Variants in PPP2R5E observed in about 807,000 individuals in gnomAD.
PPP2R5E encodes the protein serine/threonine-protein phosphatase 2A 56 kDa regulatory subunit epsilon isoform.
Under a neutral mutation model 65.3 loss-of-function variants are expected in PPP2R5E, and 4 were observed. The ratio of observed to expected loss-of-function variants is 0.06; its 90% CI spans 0.03 to 0.14. The LOEUF (loss-of-function observed/expected upper bound fraction) is 0.14, where lower values mean the gene tolerates loss of function less well. Ranked by LOEUF, PPP2R5E falls within the 10% of genes least tolerant of loss-of-function variation. The pLI is 1.00. For synonymous variants in PPP2R5E, 183 were observed against 187.4 expected (o/e 0.98, Z 0.19); for missense variants, 274 against 556.1 (o/e 0.49, Z 5.10).
intron 5 of PPP2R5E, among the ~76,000 whole-genome samples, chr14:63,403,105 A>C (rs1238888817): frequency 6.6e-6 from 1 of 152,194 alleles, no homozygotes; most frequent in African/African-American, 2.4e-5. Flanking sequence ...GAAAGTTCCA[A>C]ATTTACACTT....
At chr14:63,478,712 C>G (rs1890537297) in intron 2 of PPP2R5E, among the ~76,000 whole-genome samples, 1 of 152,146 alleles carries the variant, frequency 6.6e-6, no homozygotes. Flanking sequence ...CTGAGAACCA[C>G]TAATCTAGGA....
chr14:63,420,842 A>G lies in PPP2R5E; in HGVS notation c.456+1151T>C, dbSNP rs995453579. On this transcript the variant is annotated intron_variant, in intron 4 of 13. Transcript: ENST00000337537. Reference sequence around the variant, plus strand: ...CCGAGGCGGGCGGATCACGAGGTCAAGAGATCGAGACCATCCCGGCTAAAA... The same window carrying G: ...CCGAGGCGGGCGGATCACGAGGTCAGGAGATCGAGACCATCCCGGCTAAAA... Among the ~76,000 whole-genome samples, 7 of 101,252 alleles carry G rather than the reference A, an allele frequency of 6.9e-5. 2 individuals are homozygous for G. Among genetic ancestry groups the G allele is most frequent in the Admixed American group, 3.6e-4 (4 of 11,148 alleles). 66.4% of individuals were successfully genotyped at this position (101,252 alleles called of 152,430 possible).
At chr14:63,542,395 T>C (rs1893937109) in intron 1 of PPP2R5E, among the ~76,000 whole-genome samples, 1 of 151,852 alleles carries the variant, frequency 6.6e-6, no homozygotes, top group Non-Finnish European at 1.5e-5. Context: ...GGGGTTTGTC[T>C]GTGGGGATGC....
intron 3 of PPP2R5E, among the ~76,000 whole-genome samples, chr14:63,428,055 C>T (rs1255807409): frequency 6.6e-6 from 1 of 152,160 alleles, no homozygotes; most frequent in South Asian, 2.1e-4. Context: ...TTCTCATCAG[C>T]TCCTTCCGAG....
At chr14:63,508,161 C>T (rs977072728) in intron 2 of PPP2R5E, 31 of 985,458 alleles carry the variant, frequency 3.1e-5, no homozygotes, top group Admixed American at 2.5e-4. Context: ...GCTCTCAGGC[C>T]TTCATTACCA....
chr14:63,489,028 G>A (rs1594933219), intron 2 of PPP2R5E, among the ~76,000 whole-genome samples: 3 of 152,138 alleles, frequency 2.0e-5, no homozygotes, highest in East Asian at 1.9e-4. Flanking sequence ...ACCCAGAGGC[G>A]TTAACTGACT....
At chr14:63,380,624 T>C (rs184496460) in intron 13 of PPP2R5E, among the ~76,000 whole-genome samples, 8 of 151,790 alleles carry the variant, frequency 5.3e-5, no homozygotes, top group Admixed American at 1.3e-4. Flanking sequence ...ATCGCGCCAC[T>C]GCACTCCAGC....
intron 2 of PPP2R5E, among the ~76,000 whole-genome samples, chr14:63,485,703 C>T (rs1018311934): frequency 3.3e-5 from 5 of 151,010 alleles, no homozygotes; most frequent in African/African-American, 1.2e-4. Context: ...CATGAGACAC[C>T]GCGCCCAGCC....
At chr14:63,403,387 C>CAA (rs35226807) in intron 5 of PPP2R5E, among the ~76,000 whole-genome samples, 1,236 of 78,088 alleles carry the variant, frequency 0.016, 39 homozygotes, top group East Asian at 0.13. Context: ...GAGTCTGTCT[C>CAA]AAAAAAAAAA....
At chr14:63,507,039 C>G (rs1212800970) in intron 2 of PPP2R5E, among the ~76,000 whole-genome samples, 4 of 152,176 alleles carry the variant, frequency 2.6e-5, no homozygotes, top group African/African-American at 9.7e-5. Flanking sequence ...ACCTCAGCCT[C>G]CCAAAGTGCT....
chr14:63,391,732 C>A (rs759935764), intron 10 of PPP2R5E, 85 bp downstream of exon 10: 11 of 1,434,918 alleles, frequency 7.7e-6, no homozygotes, highest in East Asian at 4.6e-5. Flanking sequence ...CCTGATGATG[C>A]GGTTTTATAC....
chr14:63,473,610 C>A (rs952225272), intron 2 of PPP2R5E, among the ~76,000 whole-genome samples: 61 of 152,142 alleles, frequency 4.0e-4, no homozygotes, highest in African/African-American at 1.4e-3. Flanking sequence ...ATGAAACAAC[C>A]AAAACAGCTC....
At chr14:63,478,522 TTC>T (rs573349445) in intron 2 of PPP2R5E, among the ~76,000 whole-genome samples, 100 of 152,292 alleles carry the variant, frequency 6.6e-4, no homozygotes, top group African/African-American at 2.3e-3. Flanking sequence ...AGCAACTGGA[TTC>T]TCAAAACCCA....
intron 5 of PPP2R5E, among the ~76,000 whole-genome samples, chr14:63,402,628 T>C (rs1885818427): frequency 6.6e-6 from 1 of 152,168 alleles, no homozygotes; most frequent in South Asian, 2.1e-4. Flanking sequence ...TAAAAGCTTT[T>C]AGAAGTTCAA....
At chr14:63,493,574 A>C (rs1891395282) in intron 2 of PPP2R5E, among the ~76,000 whole-genome samples, 1 of 152,124 alleles carries the variant, frequency 6.6e-6, no homozygotes, top group Non-Finnish European at 1.5e-5. Flanking sequence ...AAAACACCAG[A>C]AACAGTTGTG....
chr14:63,397,330 C>T (rs750803618), intron 5 of PPP2R5E, among the ~76,000 whole-genome samples: 1 of 151,860 alleles, frequency 6.6e-6, no homozygotes, highest in Non-Finnish European at 1.5e-5. Context: ...GGTGAAACCC[C>T]GTCTCTAGTA....
intron 2 of PPP2R5E, among the ~76,000 whole-genome samples, chr14:63,531,173 AAAAG>A (rs769155788): frequency 3.9e-5 from 6 of 152,122 alleles, no homozygotes; most frequent in Non-Finnish European, 7.4e-5. Context: ...CCATCACAAA[AAAAG>A]AAAGAAAGAA....
At chr14:63,538,961 C>G (rs988508776) in intron 2 of PPP2R5E, among the ~76,000 whole-genome samples, 4 of 151,940 alleles carry the variant, frequency 2.6e-5, no homozygotes, top group Non-Finnish European at 4.4e-5. Context: ...TAACAAATTT[C>G]AAAGAAAAGA....
At chr14:63,540,833 A>C (rs967016449) in intron 1 of PPP2R5E, among the ~76,000 whole-genome samples, 1 of 152,216 alleles carries the variant, frequency 6.6e-6, no homozygotes, top group African/African-American at 2.4e-5. Context: ...TGAGAACTCT[A>C]ATGTATTGTG....
Sources: allele counts gnomAD v4.1 joint callset (sites outside exome capture counted in the v4.1 genomes callset), GRCh38; gene constraint gnomAD v4.1.1; transcripts MANE v1.5; gene names NCBI Gene and HGNC (gene_info 2026-07-23, HGNC 2026-07-21).